Variants in CHD9 observed in about 807,000 individuals in gnomAD.
CHD9 encodes the protein ATP-dependent chromatin remodeler CHD9.
In CHD9, 77 loss-of-function variants were observed where a neutral mutation model predicts 316.1. The observed-to-expected ratio is 0.24, with a 90% CI of 0.20 to 0.29. The LOEUF (loss-of-function observed/expected upper bound fraction) is 0.29. Among genes scored for constraint, CHD9 ranks in the 10% least tolerant of loss-of-function variants. The probability of loss-of-function intolerance (pLI) is 1.00; values close to 1 mark genes in which losing one functional copy is unlikely to be tolerated. For missense variants in CHD9, 2,763 were observed against 3,438.1 expected (o/e 0.80, Z 4.91); for synonymous variants, 1,129 against 1,158.3 (o/e 0.97, Z 0.51).
intron 10 of CHD9, among the ~76,000 whole-genome samples, chr16:53,233,821 TTA>T (rs2048386590): frequency 6.6e-6 from 1 of 152,198 alleles, no homozygotes; most frequent in South Asian, 2.1e-4. Context: ...TCACACCTGA[TTA>T]TCCTGATAAT....
chr16:53,136,627 G>C (rs973842431), intron 1 of CHD9, among the ~76,000 whole-genome samples: 1 of 151,780 alleles, frequency 6.6e-6, no homozygotes, highest in Non-Finnish European at 1.5e-5. Context: ...TTGAAGCAAC[G>C]GAGGTACAGA....
chr16:53,134,124 G>A (rs2152689798), intron 1 of CHD9, among the ~76,000 whole-genome samples: 1 of 152,232 alleles, frequency 6.6e-6, no homozygotes, highest in South Asian at 2.1e-4. Context: ...TTAATCTACT[G>A]GGGAAATTTC....
At chr16:53,251,883 C>T (rs77293834) in intron 17 of CHD9, among the ~76,000 whole-genome samples, 4,242 of 151,848 alleles carry the variant, frequency 0.028, 82 homozygotes, top group Middle Eastern at 0.061. Flanking sequence ...AATGACCCAG[C>T]TTAGAAAGAA....
intron 37 of CHD9, among the ~76,000 whole-genome samples, chr16:53,320,198 T>TA (rs558919362): frequency 0.29 from 36,734 of 126,748 alleles, 5,132 homozygotes; most frequent in Middle Eastern, 0.32. Context: ...TGAGTCTCTT[T>TA]AAAAAAAAAA....
At chr16:53,076,675 A>G (rs1365736306) in intron 1 of CHD9, among the ~76,000 whole-genome samples, 1 of 151,758 alleles carries the variant, frequency 6.6e-6, no homozygotes, top group Non-Finnish European at 1.5e-5. Flanking sequence ...TTGGGAGGCT[A>G]AGACAGGAGA....
chr16:53,188,901 G>C (rs1363339884), intron 2 of CHD9, among the ~76,000 whole-genome samples: 1 of 151,716 alleles, frequency 6.6e-6, no homozygotes, highest in African/African-American at 2.4e-5. Flanking sequence ...CTTTTTTTTA[G>C]AGAAATGTCT....
At chr16:53,203,367 C>T (rs986259529) in intron 2 of CHD9, among the ~76,000 whole-genome samples, 4 of 152,144 alleles carry the variant, frequency 2.6e-5, no homozygotes, top group African/African-American at 9.7e-5. Flanking sequence ...CTTACCTTAC[C>T]ATTCTTGCAT....
In CHD9 at chr16:53,147,828, CA is replaced by C. The variant is rs560169862; in HGVS notation, c.-164-8097del. ...AGTTCTCTGTTTGAGTCCCTATTTT[CA>C]GTTGCTTTTGGTGAATAGTATGTAC... On this transcript the variant is annotated intron_variant, in intron 1 of 38. Coordinates refer to ENST00000447540, the MANE Select transcript of CHD9 (RefSeq NM_001308319.2). 1.1e-4 allele frequency among the ~76,000 whole-genome samples: 17 copies of C among 152,232 alleles called. No homozygotes were observed. The South Asian group carries it at 3.5e-3, about 32-fold the overall frequency.
intron 24 of CHD9, among the ~76,000 whole-genome samples, chr16:53,274,580 C>G (rs990803663): frequency 1.3e-5 from 2 of 152,058 alleles, no homozygotes; most frequent in Admixed American, 1.3e-4. Flanking sequence ...CTCAGCCTCC[C>G]GAGTAGCTGG....
chr16:53,243,445 C>G (rs1195563909), intron 13 of CHD9, among the ~76,000 whole-genome samples: 2 of 152,176 alleles, frequency 1.3e-5, no homozygotes, highest in Admixed American at 6.5e-5. Context: ...TCCCAAGCAG[C>G]TGGGATTACA....
chr16:53,128,911 T>C (rs968511546), intron 1 of CHD9, among the ~76,000 whole-genome samples: 2 of 152,136 alleles, frequency 1.3e-5, no homozygotes, highest in East Asian at 1.9e-4. Context: ...CATAATGGCA[T>C]AGACGCATCA....
At chr16:53,261,359 CTTTTTT>C (rs1195811638) in intron 19 of CHD9, among the ~76,000 whole-genome samples, 1 of 61,880 alleles carries the variant, frequency 1.6e-5, no homozygotes, top group African/African-American at 6.5e-5. Context: ...GTGTTTTAGA[CTTTTTT>C]TTTTTTTTTT....
At chr16:53,103,951 G>C (rs2037105466) in intron 1 of CHD9, among the ~76,000 whole-genome samples, 1 of 152,116 alleles carries the variant, frequency 6.6e-6, no homozygotes, top group African/African-American at 2.4e-5. Context: ...CAAATATGTT[G>C]ATTTCCTACT....
intron 1 of CHD9, among the ~76,000 whole-genome samples, chr16:53,084,675 G>A (rs1469846729): frequency 6.6e-6 from 1 of 152,182 alleles, no homozygotes; most frequent in African/African-American, 2.4e-5. Context: ...CCTGGGAGGC[G>A]GAGGTTGCAG....
At chr16:53,222,063 T>A (rs916696478) in intron 3 of CHD9, among the ~76,000 whole-genome samples, 5 of 152,056 alleles carry the variant, frequency 3.3e-5, no homozygotes, top group Admixed American at 6.5e-5. Context: ...TTTATTTGTT[T>A]GTTTGCTTGC....
chr16:53,214,697 A>C (rs1290237172), intron 3 of CHD9, among the ~76,000 whole-genome samples: 1 of 152,192 alleles, frequency 6.6e-6, no homozygotes, highest in African/African-American at 2.4e-5. Flanking sequence ...TTCATTTTTA[A>C]GAATGGTACC....
At chr16:53,111,576 A>G (rs1003335360) in intron 1 of CHD9, among the ~76,000 whole-genome samples, 50 of 152,168 alleles carry the variant, frequency 3.3e-4, no homozygotes, top group African/African-American at 1.2e-3. Context: ...TACACTTACC[A>G]CTAGCTCCAA....
At chr16:53,131,517 C>T (rs796168451) in intron 1 of CHD9, among the ~76,000 whole-genome samples, 82 of 150,464 alleles carry the variant, frequency 5.4e-4, no homozygotes, top group East Asian at 2.2e-3. Context: ...TGGCTGCGGG[C>T]TGCTGCCCCC....
Position 53,247,435 on chromosome 16 carries a change from T to C in CHD9, c.3597T>C (p.His1199=). The C allele has an allele frequency of 6.2e-7, 1 of 1,608,876 alleles. No individual in the cohort carries two copies. Among genetic ancestry groups the C allele is most frequent in the Non-Finnish European group, 8.5e-7 (1 of 1,177,262 alleles). Residue 1199 remains histidine, a synonymous_variant, in exon 16 of 39, where the codon CAT becomes CAC. Coordinates refer to ENST00000447540, the MANE Select transcript of CHD9 (RefSeq NM_001308319.2). ...TTCCCAAAATGAAAGCCGGAGGTCA[T>C]AAAGTGCTCATCTTCTCTCAAATGG... is the stretch of plus-strand genomic sequence containing the variant. ...KLLPKMKAGG[H]KVLIFSQMVR...
Sources: gnomAD v4.1 joint callset for allele counts (sites outside exome capture counted in the v4.1 genomes callset) on GRCh38, gnomAD v4.1.1 for gene constraint, MANE v1.5 for transcripts, NCBI Gene and HGNC (gene_info 2026-07-23, HGNC 2026-07-21) for gene names.